Variants in GRHL2 observed in about 807,000 individuals in gnomAD.
The protein encoded by GRHL2 is grainyhead like transcription factor 2.
In GRHL2, 21 loss-of-function variants were observed where a neutral mutation model predicts 83.8. That is an observed-to-expected ratio of 0.25 (90% CI 0.18 to 0.36). GRHL2 has a LOEUF of 0.36. GRHL2 is among the 10% of genes least tolerant of loss of function. GRHL2 has a pLI of 1.00. For missense variants in GRHL2, 623 were observed against 781.8 expected (o/e 0.80, Z 2.42); for synonymous variants, 280 against 278.9 (o/e 1.00, Z -0.04).
chr8:101,636,589 T>C (rs1454492903), intron 11 of GRHL2, among the ~76,000 whole-genome samples: 1 of 152,212 alleles, frequency 6.6e-6, no homozygotes, highest in African/African-American at 2.4e-5. Flanking sequence ...AAGGAAGATT[T>C]GGCTTAATGC....
intron 7 of GRHL2, among the ~76,000 whole-genome samples, chr8:101,577,866 G>T (rs1221031540): frequency 6.6e-6 from 1 of 152,198 alleles, no homozygotes; most frequent in African/African-American, 2.4e-5. Context: ...TTATCCCTGT[G>T]ACATAAATAA....
chr8:101,677,075 G>T, the GRHL2 span, among the ~76,000 whole-genome samples: 1 of 151,908 alleles, frequency 6.6e-6, no homozygotes, highest in East Asian at 1.9e-4. Flanking sequence ...GTGGGGTGAG[G>T]GGGGGATAGA....
At chr8:101,598,341 G>C (rs1812439093) in intron 7 of GRHL2, among the ~76,000 whole-genome samples, 1 of 150,040 alleles carries the variant, frequency 6.7e-6, no homozygotes, top group African/African-American at 2.5e-5. Flanking sequence ...CCCAGTTCAA[G>C]GGATTCTCAT....
chr8:101,532,194 A>G lies in GRHL2; in HGVS notation c.21-11047A>G, dbSNP rs538701974. On this transcript the variant is annotated intron_variant, in intron 1 of 15. Transcript: ENST00000646743. Reference sequence around the variant, plus strand: ...AATCATTTGTGGCATTTAAATTGTGACATTAACCCTGGGTAGGAAAATTGG... The same window carrying G: ...AATCATTTGTGGCATTTAAATTGTGGCATTAACCCTGGGTAGGAAAATTGG... Among the ~76,000 whole-genome samples, 17 of 152,356 alleles carry G rather than the reference A, an allele frequency of 1.1e-4. 1 individual carries two copies. In the South Asian group the frequency reaches 3.3e-3, roughly 30 times the overall value.
chr8:101,550,371 C>T (rs906267045), intron 2 of GRHL2, among the ~76,000 whole-genome samples: 12 of 152,012 alleles, frequency 7.9e-5, no homozygotes, highest in Non-Finnish European at 1.2e-4. Flanking sequence ...TTAGTAGTCC[C>T]GTGTCTGTTG....
Position 101,653,095 on chromosome 8 carries a change from G to A in GRHL2, c.1698+3596G>A, listed in dbSNP as rs929671137. Among the ~76,000 whole-genome samples the A allele has an allele frequency of 1.3e-4, 20 of 152,152 alleles. 1 individual carries two copies. The East Asian group carries it at 3.8e-3, about 29-fold the overall frequency. ...TGTGTGGGGAGGTCCTCTCTCCTGAGCCCAGAGGCAAAAAGCTGCTCCCAA... is the reference window on the plus strand; with the variant it reads ...TGTGTGGGGAGGTCCTCTCTCCTGAACCCAGAGGCAAAAAGCTGCTCCCAA... On this transcript the variant is annotated intron_variant, in intron 14 of 15. Coordinates refer to ENST00000646743, the MANE Select transcript of GRHL2 (RefSeq NM_024915.4).
intron 7 of GRHL2, among the ~76,000 whole-genome samples, chr8:101,586,257 T>C (rs1310085693): frequency 6.6e-6 from 1 of 151,998 alleles, no homozygotes; most frequent in East Asian, 1.9e-4. Context: ...AGCCTACACT[T>C]CCTGCCCGAC....
At chr8:101,612,520 G>GATAGATAGATAGATACATACATACATAC (rs371662487) in intron 8 of GRHL2, among the ~76,000 whole-genome samples, 4 of 123,678 alleles carry the variant, frequency 3.2e-5, no homozygotes, top group Non-Finnish European at 5.0e-5. Context: ...TAGATAGATA[G>GATAGATAGATAGATACATACATACATAC]ATACATACAT....
At chr8:101,524,722 A>G (rs981059007) in intron 1 of GRHL2, among the ~76,000 whole-genome samples, 5 of 152,168 alleles carry the variant, frequency 3.3e-5, no homozygotes, top group Admixed American at 2.0e-4. Context: ...TGAAATGGGT[A>G]GAGTCTTGCT....
intron 1 of GRHL2, among the ~76,000 whole-genome samples, chr8:101,520,688 G>A (rs1032850600): frequency 3.9e-5 from 6 of 152,130 alleles, no homozygotes; most frequent in Non-Finnish European, 7.4e-5. Flanking sequence ...CATACAAAAT[G>A]TAAAATCCTA....
chr8:101,515,209 C>CAT (rs1810549430), intron 1 of GRHL2, among the ~76,000 whole-genome samples: 1 of 145,466 alleles, frequency 6.9e-6, no homozygotes, highest in African/African-American at 2.5e-5. Context: ...CACACACACA[C>CAT]ATTAATATTA....
chr8:101,585,151 C>T (rs1157810350), intron 7 of GRHL2, among the ~76,000 whole-genome samples: 3 of 152,220 alleles, frequency 2.0e-5, no homozygotes, highest in Non-Finnish European at 4.4e-5. Context: ...AGAGCACCAG[C>T]AACTCCCCAC....
At chr8:101,624,534 A>G (rs904458818) in intron 9 of GRHL2, among the ~76,000 whole-genome samples, 7 of 42,418 alleles carry the variant, frequency 1.7e-4, no homozygotes, top group African/African-American at 3.9e-4. Context: ...AAGACAGTTC[A>G]GAGTACACAG....
chr8:101,565,441 A>G (rs1436709324), intron 4 of GRHL2, among the ~76,000 whole-genome samples: 1 of 152,196 alleles, frequency 6.6e-6, no homozygotes, highest in Non-Finnish European at 1.5e-5. Context: ...GTGATTTAAT[A>G]CAATAAAATA....
At position 101,577,417 on chromosome 8, in the gene GRHL2, A is replaced by T. The variant is rs1811955253; in HGVS notation, c.901A>T (p.Met301Leu). The T allele has an allele frequency of 1.2e-6, 2 of 1,608,190 alleles. No individual in the cohort carries two copies. Among genetic ancestry groups the T allele is most frequent in the East Asian group, 2.2e-5 (1 of 44,882 alleles). Residue 301 changes from methionine (M) to leucine (L), a missense_variant, in exon 7 of 16, where the codon ATG becomes TTG. Around this residue, in one of 8 missense-constraint regions of GRHL2, gnomAD observed 96 missense variants for 144.8 expected, o/e 0.66. Transcript: ENST00000646743. ...ATTCTCCCCTCTGCAGAGTGTGGTG[A>T]TGGTGGTCTTCAGTGAAGACAAAAA... is the stretch of plus-strand genomic sequence containing the variant. ...HPISKVRSVV[M>L]VVFSEDKNRD...
chr8:101,606,344 T>C (rs72674252), intron 8 of GRHL2, among the ~76,000 whole-genome samples: 6 of 152,308 alleles, frequency 3.9e-5, no homozygotes, highest in Non-Finnish European at 5.9e-5. Flanking sequence ...AGGAGACATG[T>C]TGATATTTCC....
At chr8:101,547,115 GT>G (rs1318280063) in intron 2 of GRHL2, among the ~76,000 whole-genome samples, 1 of 152,172 alleles carries the variant, frequency 6.6e-6, no homozygotes, top group African/African-American at 2.4e-5. Flanking sequence ...GCCCTTTTCA[GT>G]TGCCTGGGTG....
At chr8:101,594,092 AAAAAAAGAG>A (rs1481952383) in intron 7 of GRHL2, among the ~76,000 whole-genome samples, 10,902 of 133,658 alleles carry the variant, frequency 0.082, 830 homozygotes, top group South Asian at 0.12. Flanking sequence ...AAAAAAAAAA[AAAAAAAGAG>A]AGAGATAGTG....
chr8:101,509,212 TGTG>T (rs1563556303), intron 1 of GRHL2, among the ~76,000 whole-genome samples: 8 of 77,320 alleles, frequency 1.0e-4, no homozygotes, highest in East Asian at 4.7e-4. Flanking sequence ...TTTCTTCTTG[TGTG>T]TGTGTGTGTG....
Sources: allele counts gnomAD v4.1 joint callset (sites outside exome capture counted in the v4.1 genomes callset), GRCh38; gene constraint gnomAD v4.1.1; regional missense constraint gnomAD v4.1.1; transcripts MANE v1.5; gene names NCBI Gene and HGNC (gene_info 2026-07-23, HGNC 2026-07-21).